Variants in MGMT observed in about 807,000 individuals in gnomAD.
MGMT encodes methylated-DNA--protein-cysteine methyltransferase.
A neutral mutation model predicts 15.9 loss-of-function variants in MGMT; 14 were observed. That is an observed-to-expected ratio of 0.88 (90% CI 0.58 to 1.37). The LOEUF is 1.37. Among genes scored for constraint, MGMT ranks in the 40% most tolerant of loss-of-function variants. The pLI is 0.00. For missense variants in MGMT, 282 were observed against 268.1 expected, an observed-to-expected ratio of 1.05 and a Z score of -0.36; for synonymous variants, 130 against 118.2, an observed-to-expected ratio of 1.10 and a Z score of -0.65.
At chr10:129,509,452 G>GT (rs1219463281) in intron 1 of MGMT, among the ~76,000 whole-genome samples, 1 of 152,170 alleles carries the variant, frequency 6.6e-6, no homozygotes, top group Non-Finnish European at 1.5e-5. Context: ...GGATTTCCTT[G>GT]TGTCCTTGTG....
chr10:129,574,777 G>A (rs981289024), intron 2 of MGMT, among the ~76,000 whole-genome samples: 1 of 152,134 alleles, frequency 6.6e-6, no homozygotes, highest in Non-Finnish European at 1.5e-5. Flanking sequence ...TGATGATGTA[G>A]CAACTATTTT....
In MGMT at chr10:129,630,251, A is replaced by G. The variant is rs74418391; in HGVS notation, c.126-77644A>G. The stretch of plus-strand genomic sequence containing the variant: ...TCCGTCCAGATGAAAGGGCCTGGCC[A>G]CTCTGATTGCACTTCTCTTTGATCT... On this transcript the variant is annotated intron_variant, in intron 2 of 4. Transcript: ENST00000651593. 3.3e-5 allele frequency among the ~76,000 whole-genome samples: 5 copies of G among 152,254 alleles called. No individual in the cohort carries two copies. In the East Asian group the frequency reaches 9.7e-4, roughly 29 times the overall value.
rs548250232 is a variant in MGMT, at chr10:129,546,723, G to A, written c.125+10346G>A. 5.3e-5 allele frequency among the ~76,000 whole-genome samples: 8 copies of A among 152,278 alleles called. No individual in the cohort carries two copies. In the East Asian group the frequency reaches 1.4e-3, roughly 26 times the overall value. On this transcript the variant is annotated intron_variant, in intron 2 of 4. Transcript: ENST00000651593. ...AGGAGCATCTCTCCTCTCCATGGCAGAGCACAGAGGGTGGAACACTGACGT... is the reference window on the plus strand; with the variant it reads ...AGGAGCATCTCTCCTCTCCATGGCAAAGCACAGAGGGTGGAACACTGACGT...
At chr10:129,601,444 A>G (rs1299774912) in intron 2 of MGMT, among the ~76,000 whole-genome samples, 1 of 152,132 alleles carries the variant, frequency 6.6e-6, no homozygotes, top group Non-Finnish European at 1.5e-5. Flanking sequence ...CATGGGGCAG[A>G]CCTTGGGTGG....
At chr10:129,506,040 A>G (rs1481350861) in intron 1 of MGMT, among the ~76,000 whole-genome samples, 2 of 143,512 alleles carry the variant, frequency 1.4e-5, no homozygotes, top group Non-Finnish European at 3.0e-5. Context: ...TTTCCTCACT[A>G]GGCCAGTGGT....
intron 2 of MGMT, among the ~76,000 whole-genome samples, chr10:129,564,706 TTCCTCCTCC>T (rs1846333003): frequency 1.2e-5 from 1 of 83,588 alleles, no homozygotes; most frequent in Non-Finnish European, 2.6e-5. Context: ...CTTCCTCCTC[TTCCTCCTCC>T]TCCTGCCCTT....
At chr10:129,742,679 C>T (rs1413399880) in intron 3 of MGMT, among the ~76,000 whole-genome samples, 1 of 149,624 alleles carries the variant, frequency 6.7e-6, no homozygotes, top group African/African-American at 2.5e-5. Flanking sequence ...TGCAGCGGCC[C>T]ATGCTCAGAG....
intron 2 of MGMT, among the ~76,000 whole-genome samples, chr10:129,604,553 G>A (rs1484032959): frequency 6.6e-6 from 1 of 152,142 alleles, no homozygotes; most frequent in African/African-American, 2.4e-5. Context: ...GTTTTATGGG[G>A]CTGTCAGAAG....
Position 129,568,351 on chromosome 10 carries a change from T to C in MGMT, c.125+31974T>C, listed in dbSNP as rs146573713. ...TGCCACGGGGACCTGGGGGTCTCCT[T>C]GTGCCTGGGATTCCTCCTCGTCAGG... On this transcript the variant is annotated intron_variant, in intron 2 of 4. Coordinates refer to ENST00000651593, the MANE Select transcript of MGMT (RefSeq NM_002412.5). 7.0e-3 allele frequency among the ~76,000 whole-genome samples: 1,060 copies of C among 152,334 alleles called. 5 individuals are homozygous for C. The highest frequency in any genetic ancestry group is 0.014 in the Middle Eastern group (4 of 294).
chr10:129,764,355 T>C (rs1203895346), intron 4 of MGMT, among the ~76,000 whole-genome samples: 2 of 152,098 alleles, frequency 1.3e-5, no homozygotes, highest in Non-Finnish European at 2.9e-5. Context: ...CCCACCTCCC[T>C]CGGGGACGTG....
At chr10:129,683,117 G>A (rs185674408) in intron 2 of MGMT, among the ~76,000 whole-genome samples, 450 of 152,332 alleles carry the variant, frequency 3.0e-3, no homozygotes, top group African/African-American at 0.01. Context: ...CCTAAGTGCC[G>A]GGATTACAGG....
intron 2 of MGMT, among the ~76,000 whole-genome samples, chr10:129,560,051 A>G (rs1846259153): frequency 6.6e-6 from 1 of 152,232 alleles, no homozygotes; most frequent in African/African-American, 2.4e-5. Flanking sequence ...TTATGAGTTC[A>G]GTAGTATTCT....
At chr10:129,636,233 C>T (rs1295463677) in intron 2 of MGMT, among the ~76,000 whole-genome samples, 1 of 152,234 alleles carries the variant, frequency 6.6e-6, no homozygotes, top group Non-Finnish European at 1.5e-5. Context: ...GCCGGAGATA[C>T]TGACCTTGGT....
chr10:129,729,908 T>C (rs937626958), intron 3 of MGMT, among the ~76,000 whole-genome samples: 7 of 152,122 alleles, frequency 4.6e-5, no homozygotes, highest in Admixed American at 2.0e-4. Context: ...CCCACCCCCT[T>C]AGATTTGTCA....
intron 1 of MGMT, among the ~76,000 whole-genome samples, chr10:129,518,328 A>ACACACACG (rs1845762429): frequency 1.2e-5 from 1 of 85,858 alleles, no homozygotes; most frequent in African/African-American, 4.4e-5. Flanking sequence ...GTGTACAGAT[A>ACACACACG]CACACACATA....
chr10:129,552,678 G>C (rs950865472), intron 2 of MGMT, among the ~76,000 whole-genome samples: 3 of 152,214 alleles, frequency 2.0e-5, no homozygotes, highest in Non-Finnish European at 4.4e-5. Flanking sequence ...CCTTGCCCGA[G>C]TTCCTGAGAC....
chr10:129,494,599 C>G (rs1029888873), intron 1 of MGMT, among the ~76,000 whole-genome samples: 2 of 152,238 alleles, frequency 1.3e-5, no homozygotes, highest in African/African-American at 4.8e-5. Flanking sequence ...AGCCACTAGT[C>G]ACATTGGCTG....
At chr10:129,605,775 C>T (rs2133064755) in intron 2 of MGMT, among the ~76,000 whole-genome samples, 1 of 152,244 alleles carries the variant, frequency 6.6e-6, no homozygotes, top group African/African-American at 2.4e-5. Context: ...TGCGTATTAG[C>T]TTGGTCTTGC....
intron 2 of MGMT, among the ~76,000 whole-genome samples, chr10:129,699,469 A>G (rs560008082): frequency 4.1e-4 from 62 of 152,284 alleles, no homozygotes; most frequent in African/African-American, 1.4e-3. Context: ...ATCGGTATCC[A>G]GTTTTAGCAA....
Sources: gnomAD v4.1 joint callset for allele counts (sites outside exome capture counted in the v4.1 genomes callset) on GRCh38, gnomAD v4.1.1 for gene constraint, MANE v1.5 for transcripts, NCBI Gene and HGNC (gene_info 2026-07-23, HGNC 2026-07-21) for gene names.